The following RTF2 variants were observed in gnomAD, a reference collection of about 807,000 sequenced individuals.
RTF2 encodes UPF0549 protein C20orf43.
Under a neutral mutation model 38.0 loss-of-function variants are expected in RTF2, and 18 were observed. That is an observed-to-expected ratio of 0.47 (90% CI 0.33 to 0.70). The LOEUF (loss-of-function observed/expected upper bound fraction) is 0.70. RTF2 is among the 30% of genes least tolerant of loss of function. The pLI, the probability that RTF2 is intolerant of heterozygous loss-of-function variation, is 0.02. For missense variants in RTF2, 311 were observed against 379.6 expected (o/e 0.82, Z 1.50); for synonymous variants, 126 against 137.1 (o/e 0.92, Z 0.57).
chr20:56,499,006 A>G (rs1409352468), intron 5 of RTF2, among the ~76,000 whole-genome samples: 2 of 152,160 alleles, frequency 1.3e-5, no homozygotes, highest in African/African-American at 4.8e-5. Context: ...TGTGGATTTT[A>G]AAGATGTTGT....
chr20:56,485,304 T>C (rs1846633960), intron 5 of RTF2, among the ~76,000 whole-genome samples: 2 of 151,998 alleles, frequency 1.3e-5, no homozygotes, highest in South Asian at 2.1e-4. Flanking sequence ...GTGCAAAAGC[T>C]CAGAAGTGAC....
intron 8 of RTF2, among the ~76,000 whole-genome samples, chr20:56,517,455 G>T (rs1985122854): frequency 6.6e-6 from 1 of 152,130 alleles, no homozygotes; most frequent in South Asian, 2.1e-4. Flanking sequence ...TAAGTGCTTG[G>T]TGCCAAGCAA....
chr20:56,494,675 GC>G (rs1983393154), intron 5 of RTF2, among the ~76,000 whole-genome samples: 1 of 152,204 alleles, frequency 6.6e-6, no homozygotes, highest in Admixed American at 6.5e-5. Flanking sequence ...CAGGAGGGTG[GC>G]TGTGCACATT....
intron 2 of RTF2, 118 bp downstream of exon 2, chr20:56,473,513 AGGCTGTCGTTCCCTGTCT>A: frequency 1.5e-6 from 1 of 675,138 alleles, no homozygotes. Context: ...TGTGAGGCAT[AGGCTGTCGTTCCCTGTCT>A]CTGAACATAG....
chr20:56,478,687 C>G (rs1982379245), intron 4 of RTF2, among the ~76,000 whole-genome samples: 1 of 152,090 alleles, frequency 6.6e-6, no homozygotes, highest in Non-Finnish European at 1.5e-5. Flanking sequence ...GCTAACTGAT[C>G]AGGATGGTGG....
chr20:56,497,073 G>A (rs960834887), intron 5 of RTF2: 2 of 1,551,672 alleles, frequency 1.3e-6, no homozygotes, highest in Non-Finnish European at 1.7e-6. Flanking sequence ...CTGTAGTCTT[G>A]TAAAGCCAGC....
At chr20:56,496,559 GTCAATCAA>G (rs1188706366) in intron 5 of RTF2, 2 of 1,383,830 alleles carry the variant, frequency 1.4e-6, no homozygotes, top group African/African-American at 1.5e-5. Context: ...AAATCAGTCA[GTCAATCAA>G]TCAATCAATC....
At chr20:56,514,742 C>T (rs1984910325) in intron 6 of RTF2, among the ~76,000 whole-genome samples, 1 of 152,164 alleles carries the variant, frequency 6.6e-6, no homozygotes, top group Non-Finnish European at 1.5e-5. Flanking sequence ...CTCCCTTCAT[C>T]GTTTTACTTA....
intron 5 of RTF2, chr20:56,496,960 T>G: frequency 2.6e-6 from 4 of 1,551,670 alleles, no homozygotes; most frequent in Non-Finnish European, 3.5e-6. Context: ...TAGTGTATGA[T>G]TTCTCTGTTG....
chr20:56,500,726 G>C (rs1012175115), intron 5 of RTF2, among the ~76,000 whole-genome samples: 1 of 152,192 alleles, frequency 6.6e-6, no homozygotes, highest in Non-Finnish European at 1.5e-5. Context: ...ATGCCTGCTG[G>C]ACTGCCCTGC....
chr20:56,474,120 C>T (rs1267716678), intron 2 of RTF2, among the ~76,000 whole-genome samples: 1 of 152,026 alleles, frequency 6.6e-6, no homozygotes, highest in Non-Finnish European at 1.5e-5. Context: ...GTTAAATTTC[C>T]CAATTAAAAA....
chr20:56,479,927 G>A (rs1052398290), intron 4 of RTF2, among the ~76,000 whole-genome samples: 1 of 150,226 alleles, frequency 6.7e-6, no homozygotes, highest in African/African-American at 2.5e-5. Flanking sequence ...CTTCCATTTC[G>A]AGAGTACAGG....
At position 56,473,409 on chromosome 20, in the gene RTF2, A is replaced by C; in HGVS notation, c.164+14A>C. The C allele has an allele frequency of 6.4e-7, 1 of 1,560,492 alleles. No individual in the cohort carries two copies. The highest frequency in any genetic ancestry group is 8.8e-7 in the Non-Finnish European group (1 of 1,136,678). ...TGAACTTGGCAGGTATGGTTTTTACACTTAATCAAGATGAGTTTGTTAAGT... is the reference window on the plus strand; with the variant it reads ...TGAACTTGGCAGGTATGGTTTTTACCCTTAATCAAGATGAGTTTGTTAAGT... On this transcript the variant is annotated intron_variant, in intron 2 of 8. Coordinates refer to ENST00000357348, the MANE Select transcript of RTF2 (RefSeq NM_016407.5).
chr20:56,518,271 G>T lies in RTF2; in HGVS notation c.*6G>T, dbSNP rs369697377. The T allele has an allele frequency of 3.1e-6, 5 of 1,607,656 alleles. No homozygotes were observed. The highest frequency in any genetic ancestry group is 3.4e-6 in the Non-Finnish European group (4 of 1,177,726). On this transcript the variant is annotated 3_prime_UTR_variant, in exon 9 of 9. Transcript: ENST00000357348. Reference sequence around the variant, plus strand: ...ACACGTCCTACTGCTTCTGAAGCCCGCACTGCCACCGCTCCTGCCCCAGAA... The same window carrying T: ...ACACGTCCTACTGCTTCTGAAGCCCTCACTGCCACCGCTCCTGCCCCAGAA...
intron 5 of RTF2, chr20:56,495,170 C>T (rs529491669): frequency 1.4e-6 from 2 of 1,453,584 alleles, no homozygotes; most frequent in Non-Finnish European, 1.9e-6. Flanking sequence ...AAATTTGAAG[C>T]CTTTTTTGTT....
At chr20:56,484,343 A>G (rs1002540403) in intron 5 of RTF2, among the ~76,000 whole-genome samples, 154 bp downstream of exon 5, 3 of 152,146 alleles carry the variant, frequency 2.0e-5, no homozygotes, top group Admixed American at 6.6e-5. Flanking sequence ...TGCAGAATCC[A>G]CTGGCCTCTT....
chr20:56,495,332 A>G (rs907018869), intron 5 of RTF2: 1 of 1,463,764 alleles, frequency 6.8e-7, no homozygotes, highest in Non-Finnish European at 9.4e-7. Context: ...TCAGTGTGGA[A>G]TCTGCTTCCC....
chr20:56,479,971 A>G (rs1329769304), intron 4 of RTF2, among the ~76,000 whole-genome samples: 3 of 152,122 alleles, frequency 2.0e-5, no homozygotes, highest in Admixed American at 6.5e-5. Context: ...TAAGAACCCT[A>G]GGGTTTCCAA....
chr20:56,487,852 T>C (rs1982876213), intron 5 of RTF2, among the ~76,000 whole-genome samples: 1 of 152,236 alleles, frequency 6.6e-6, no homozygotes, highest in Admixed American at 6.5e-5. Context: ...CCCTCTATCA[T>C]GTCTGTCTTT....
Sources: allele counts gnomAD v4.1 joint callset (sites outside exome capture counted in the v4.1 genomes callset), GRCh38; gene constraint gnomAD v4.1.1; transcripts MANE v1.5; gene names NCBI Gene and HGNC (gene_info 2026-07-23, HGNC 2026-07-21).